Variants in ITGA8 observed in about 807,000 individuals in gnomAD.
ITGA8 encodes the protein integrin subunit alpha 8, also known as integrin alpha-8.
Under a neutral mutation model 142.3 loss-of-function variants are expected in ITGA8, and 91 were observed. That is an observed-to-expected ratio of 0.64 (90% CI 0.54 to 0.76). The LOEUF is 0.76. Among genes scored for constraint, ITGA8 ranks in the 30% least tolerant of loss-of-function variants. The pLI is 0.00. For synonymous variants in ITGA8, 505 were observed against 485.2 expected, an observed-to-expected ratio of 1.04 and a Z score of -0.54; for missense variants, 1,406 against 1,327.7, an observed-to-expected ratio of 1.06 and a Z score of -0.92.
At chr10:15,592,429 A>C (rs1832942962) in intron 21 of ITGA8, 125 bp from the exon 22 acceptor site, 2 of 698,910 alleles carry the variant, frequency 2.9e-6, no homozygotes, top group Admixed American at 2.7e-5. Context: ...CTTCTACCCC[A>C]GGTGGCTGAG....
intron 25 of ITGA8, 35 bp from the exon 26 acceptor site, chr10:15,558,237 A>C: frequency 1.2e-6 from 2 of 1,610,518 alleles, no homozygotes; most frequent in Non-Finnish European, 1.7e-6. Flanking sequence ...CACATTAAAA[A>C]CACATGAACA....
chr10:15,658,084 A>T (rs1459446652), intron 10 of ITGA8, among the ~76,000 whole-genome samples: 1 of 152,238 alleles, frequency 6.6e-6, no homozygotes, highest in African/African-American at 2.4e-5. Context: ...AGGAGTTGTT[A>T]TGTGCCAGGG....
At chr10:15,673,065 TTTTGTTTG>T (rs201950238) in intron 6 of ITGA8, among the ~76,000 whole-genome samples, 18 of 152,162 alleles carry the variant, frequency 1.2e-4, no homozygotes, top group South Asian at 2.1e-4. Flanking sequence ...GTGATGTAAT[TTTTGTTTG>T]TTTGTTTGTT....
Position 15,581,614 on chromosome 10 carries a change from A to T in ITGA8, c.2372+4970T>A, listed in dbSNP as rs969211140. Among the ~76,000 whole-genome samples the T allele has an allele frequency of 2.6e-5, 4 of 152,140 alleles. 1 individual carries two copies. Among genetic ancestry groups the T allele is most frequent in the Admixed American group, 2.0e-4 (3 of 15,270 alleles). ...CTGTCCCCTCTAACTTTATAATTGG[A>T]TAAACTTTTACATATGCAGATGGGA... On this transcript the variant is annotated intron_variant, in intron 23 of 29. Transcript: ENST00000378076.
In ITGA8 at chr10:15,519,430, G is replaced by A. The variant is rs760704352; in HGVS notation, c.2983-18C>T. On this transcript the variant is annotated intron_variant, in intron 28 of 29. Transcript: ENST00000378076. ...GTCTTAATCTGAAATGGAAAACAAA[G>A]CAAATGAGCTCTAATGCGAAAACTA... 6.8e-6 allele frequency: 11 copies of A among 1,612,786 alleles called. No individual in the cohort carries two copies. Among genetic ancestry groups the A allele is most frequent in the South Asian group, 3.3e-5 (3 of 90,912 alleles).
intron 26 of ITGA8, among the ~76,000 whole-genome samples, chr10:15,548,894 G>A (rs1833731733): frequency 6.6e-6 from 1 of 152,144 alleles, no homozygotes; most frequent in Non-Finnish European, 1.5e-5. Context: ...CCAGTGCTGG[G>A]TTCAGCAAGT....
At chr10:15,684,175 C>T (rs758778335) in intron 3 of ITGA8, 48 bp from the exon 4 acceptor site, 2 of 1,579,378 alleles carry the variant, frequency 1.3e-6, no homozygotes, top group South Asian at 1.2e-5. Context: ...GTAGGTTTCT[C>T]ATACTACAGT....
At chr10:15,622,893 A>T (rs1473263191) in intron 13 of ITGA8, among the ~76,000 whole-genome samples, 1 of 152,224 alleles carries the variant, frequency 6.6e-6, no homozygotes, top group African/African-American at 2.4e-5. Flanking sequence ...AAAGAAATCC[A>T]AATGAAGGGA....
At chr10:15,567,268 C>T (rs182970432) in intron 25 of ITGA8, among the ~76,000 whole-genome samples, 1 of 152,106 alleles carries the variant, frequency 6.6e-6, no homozygotes, top group Non-Finnish European at 1.5e-5. Context: ...AGATAACAGT[C>T]TGTGTGCAGG....
intron 27 of ITGA8, among the ~76,000 whole-genome samples, chr10:15,531,909 C>T (rs922223073): frequency 6.6e-5 from 10 of 152,006 alleles, no homozygotes; most frequent in African/African-American, 1.9e-4. Flanking sequence ...CACGCCACTG[C>T]GCTCCGACCT....
rs145679447 is a variant in ITGA8 at position 15,672,485 on chromosome 10, A to G, written c.802+139T>C. Reference sequence around the variant, plus strand: ...AAATAGCAGTATTAAAAAGAAAAGAAAAATTGAGTCCACTCTAATAAGAGA... The same window carrying G: ...AAATAGCAGTATTAAAAAGAAAAGAGAAATTGAGTCCACTCTAATAAGAGA... On this transcript the variant is annotated intron_variant, in intron 7 of 29. Coordinates refer to ENST00000378076, the MANE Select transcript of ITGA8 (RefSeq NM_003638.3). The G allele has an allele frequency of 3.8e-4, 391 of 1,037,432 alleles. 1 individual carries two copies. In the African/African-American group the frequency reaches 3.8e-3, roughly 10 times the overall value. The allele number at this position is 1,037,432 out of a possible 1,614,324, so 64.3% of individuals were successfully genotyped here.
In ITGA8 at chr10:15,625,714, T is replaced by C. The variant is rs1362229283; in HGVS notation, c.1400-9155A>G. On this transcript the variant is annotated intron_variant, in intron 13 of 29. Transcript: ENST00000378076. ...AGTCCTAACTGCCAGCACCTCAGAA[T>C]GTGACTGTATTAGCCTGCACCTCAG... is the stretch of plus-strand genomic sequence containing the variant. Among the ~76,000 whole-genome samples the C allele has an allele frequency of 2.6e-5, 4 of 152,324 alleles. No homozygotes were observed. The East Asian group carries it at 7.7e-4, about 29-fold the overall frequency.
At chr10:15,606,243 G>A (rs200529473) in intron 18 of ITGA8, 42 bp downstream of exon 18, 1 of 1,558,426 alleles carries the variant, frequency 6.4e-7, no homozygotes, top group Admixed American at 1.7e-5. Flanking sequence ...ACCCCAGAGA[G>A]CTTGCTTGAG....
At chr10:15,559,007 T>C (rs995675516) in intron 25 of ITGA8, among the ~76,000 whole-genome samples, 7 of 152,226 alleles carry the variant, frequency 4.6e-5, no homozygotes, top group Non-Finnish European at 7.3e-5. Context: ...TTCACACAGT[T>C]TCTCTTTGTA....
intron 25 of ITGA8, among the ~76,000 whole-genome samples, chr10:15,568,375 C>T (rs534739948): frequency 1.3e-5 from 2 of 152,346 alleles, no homozygotes; most frequent in East Asian, 3.9e-4. Flanking sequence ...GTTTTTTAAA[C>T]AGCCACAGGT....
At chr10:15,655,230 T>C (rs926586795) in intron 11 of ITGA8, 124 bp downstream of exon 11, 4 of 579,204 alleles carry the variant, frequency 6.9e-6, no homozygotes, top group Middle Eastern at 9.3e-4. Context: ...ACCAAAAAAG[T>C]TGAGAACAAG....
At chr10:15,579,875 C>T (rs1834371627) in intron 23 of ITGA8, among the ~76,000 whole-genome samples, 1 of 151,590 alleles carries the variant, frequency 6.6e-6, no homozygotes, top group Non-Finnish European at 1.5e-5. Flanking sequence ...CGGTATGCTG[C>T]TAAATTTATA....
At chr10:15,579,457 T>A (rs950852952) in intron 23 of ITGA8, among the ~76,000 whole-genome samples, 38 of 152,256 alleles carry the variant, frequency 2.5e-4, no homozygotes, top group African/African-American at 8.7e-4. Flanking sequence ...GATTTAGTTA[T>A]GTCCTAACAA....
intron 17 of ITGA8, among the ~76,000 whole-genome samples, chr10:15,607,267 T>A (rs1162621037): frequency 6.6e-6 from 1 of 152,208 alleles, no homozygotes; most frequent in Non-Finnish European, 1.5e-5. Flanking sequence ...TTACTTCTAA[T>A]AAAAGCTTTG....
Sources: allele counts gnomAD v4.1 joint callset (sites outside exome capture counted in the v4.1 genomes callset), GRCh38; gene constraint gnomAD v4.1.1; transcripts MANE v1.5; gene names NCBI Gene and HGNC (gene_info 2026-07-23, HGNC 2026-07-21).